FERMT3: variants seen among roughly 807,000 people sequenced by gnomAD.
FERMT3 encodes FERM domain containing kindlin 3, also known as fermitin family homolog 3.
Under a neutral mutation model 80.8 loss-of-function variants are expected in FERMT3, and 33 were observed. That is an observed-to-expected ratio of 0.41 (90% CI 0.31 to 0.55). The LOEUF (loss-of-function observed/expected upper bound fraction) is 0.55. Among genes scored for constraint, FERMT3 ranks in the 20% least tolerant of loss-of-function variants. FERMT3 has a pLI of 0.31. For missense variants in FERMT3, 754 were observed against 908.7 expected, an observed-to-expected ratio of 0.83 and a Z score of 2.19; for synonymous variants, 375 against 372.2, an observed-to-expected ratio of 1.01 and a Z score of -0.09.
At position 64,220,329 on chromosome 11, in the gene FERMT3, G is replaced by A. The variant is rs201657117; in HGVS notation, c.1311+3G>A. ...AGATCTACCTGCGGTGCCAGGATGT[G>A]AGTGAGGGCTGGGCAGGGGCCAGGG... On this transcript the variant is annotated splice_donor_region_variant and intron_variant, in intron 11 of 14. Transcript: ENST00000345728. The A allele has an allele frequency of 1.2e-6, 2 of 1,613,374 alleles. No individual in the cohort carries two copies. Among genetic ancestry groups the A allele is most frequent in the Middle Eastern group, 1.6e-4 (1 of 6,062 alleles).
intron 1 of FERMT3, among the ~76,000 whole-genome samples, chr11:64,207,130 G>A (rs1288377721): frequency 6.6e-6 from 1 of 152,192 alleles, no homozygotes; most frequent in Non-Finnish European, 1.5e-5. Context: ...GGATGGGAGC[G>A]GATTGGACTA....
Position 64,210,599 on chromosome 11 carries a change from C to T in FERMT3, c.161-12C>T, listed in dbSNP as rs372152105. 5.8e-5 allele frequency: 94 copies of T among 1,612,062 alleles called. No homozygotes were observed. The highest frequency in any genetic ancestry group is 5.2e-4 in the African/African-American group (39 of 74,972). ...GGAAGGTTGGACCCAGATGTGCCCC[C>T]GTGCCCCACAGATCGCAAGCAGGAC... On this transcript the variant is annotated splice_polypyrimidine_tract_variant and intron_variant, in intron 2 of 14. Coordinates refer to ENST00000345728, the MANE Select transcript of FERMT3 (RefSeq NM_031471.6). The surrounding 1 kb of genome is among the most constrained non-coding windows in gnomAD (Gnocchi z 4.3).
Position 64,210,217 on chromosome 11 carries a change from T to C in FERMT3, c.161-394T>C, listed in dbSNP as rs1946405150. On this transcript the variant is annotated intron_variant, in intron 2 of 14. Coordinates refer to ENST00000345728, the MANE Select transcript of FERMT3 (RefSeq NM_031471.6). The surrounding 1 kb of genome is among the most constrained non-coding windows in gnomAD (Gnocchi z 4.3). ...AGGACATACAACGGTGAGACAGACGTAGTCTCTGCCTCCAGGAGCTCCCCA... is the reference window on the plus strand; with the variant it reads ...AGGACATACAACGGTGAGACAGACGCAGTCTCTGCCTCCAGGAGCTCCCCA... Among the ~76,000 whole-genome samples the C allele has an allele frequency of 6.6e-6, 1 of 152,124 alleles. No individual in the cohort carries two copies. Among genetic ancestry groups the C allele is most frequent in the Non-Finnish European group, 1.5e-5 (1 of 67,988 alleles).
In FERMT3 at chr11:64,211,135, G is replaced by A. The variant is rs1375507927; in HGVS notation, c.478G>A (p.Glu160Lys). 1 of 1,551,284 alleles carries A rather than the reference G, an allele frequency of 6.4e-7. No individual in the cohort carries two copies. The highest frequency in any genetic ancestry group is 8.7e-7 in the Non-Finnish European group (1 of 1,147,030). ...KKKKEKEPEE[E>K]LYDLSKVVLA... The stretch of plus-strand genomic sequence containing the variant: ...GAAGAAAGAGAAGGAGCCAGAGGAA[G>A]AGCTCTATGACTTGAGCAAGGTTGT... The change falls in exon 4 of 15, where the codon GAG becomes AAG. Residue 160 changes from glutamate (E) to lysine (K), a missense_variant. Glu to Lys is a moderately conservative substitution (Grantham distance 56). Coordinates refer to ENST00000345728, the MANE Select transcript of FERMT3 (RefSeq NM_031471.6). The surrounding 1 kb of genome is among the most constrained non-coding windows in gnomAD (Gnocchi z 4.7).
At position 64,219,878 on chromosome 11, in the gene FERMT3, G is replaced by A. The variant is rs1276579422; in HGVS notation, c.1080-13G>A. 3.7e-6 allele frequency: 6 copies of A among 1,613,890 alleles called. No homozygotes were observed. In the East Asian group the frequency reaches 1.1e-4, roughly 30 times the overall value. On this transcript the variant is annotated splice_polypyrimidine_tract_variant and intron_variant, in intron 9 of 14. Coordinates refer to ENST00000345728, the MANE Select transcript of FERMT3 (RefSeq NM_031471.6). This position sits in a 1 kb window ranked among gnomAD's most constrained non-coding sequence, Gnocchi z 4.0. Reference sequence around the variant, plus strand: ...GTGAGGCGGCCTTTCACAAACCCCAGCATCCCACGAAGGCCCCGGAAGCTG... The same window carrying A: ...GTGAGGCGGCCTTTCACAAACCCCAACATCCCACGAAGGCCCCGGAAGCTG...
chr11:64,223,319 A>G lies in FERMT3; in HGVS notation c.1819A>G (p.Ile607Val), dbSNP rs755669055. 4.2e-5 allele frequency: 67 copies of G among 1,613,942 alleles called. No individual in the cohort carries two copies. The highest frequency in any genetic ancestry group is 5.5e-5 in the Non-Finnish European group (65 of 1,180,052). ...NVNWDIRQVA[I>V]EFDEHINVAF... is the part of the protein sequence containing the mutation. ...CCCTCTGTCTGCCCTTCAGGTGGCC[A>G]TCGAGTTTGATGAACACATCAATGT... is the stretch of plus-strand genomic sequence containing the variant. The change falls in exon 15 of 15, where the codon ATC becomes GTC. Residue 607 changes from isoleucine to valine, a missense_variant. Transcript: ENST00000345728.
rs1946407208 is a variant in FERMT3 at position 64,210,289 on chromosome 11, G to A, written c.161-322G>A. ...AAACCGTGGATTATGGGAGGACAGAGGGGGCGTCATGTGGAGGGAGCCCAG... is the reference window on the plus strand; with the variant it reads ...AAACCGTGGATTATGGGAGGACAGAAGGGGCGTCATGTGGAGGGAGCCCAG... On this transcript the variant is annotated intron_variant, in intron 2 of 14. Transcript: ENST00000345728. The surrounding 1 kb of genome is among the most constrained non-coding windows in gnomAD (Gnocchi z 4.3). Among the ~76,000 whole-genome samples, 1 of 142,806 alleles carries A rather than the reference G, an allele frequency of 7.0e-6. No individual in the cohort carries two copies. The highest frequency in any genetic ancestry group is 2.1e-4 in the South Asian group (1 of 4,768). The allele number at this position is 142,806 out of a possible 152,430, so 93.7% of individuals were successfully genotyped here.
At chr11:64,217,955 C>T (rs577116127) in intron 6 of FERMT3, among the ~76,000 whole-genome samples, 71 of 152,172 alleles carry the variant, frequency 4.7e-4, no homozygotes, top group African/African-American at 1.7e-3. Flanking sequence ...TAACCCAGTT[C>T]CCATCTACAG....
At chr11:64,209,308 G>A (rs1305257297) in intron 2 of FERMT3, among the ~76,000 whole-genome samples, 2 of 152,200 alleles carry the variant, frequency 1.3e-5, no homozygotes, top group African/African-American at 2.4e-5. Flanking sequence ...GGAGGAAGCC[G>A]GTGGACAGGC....
At position 64,219,236 on chromosome 11, in the gene FERMT3, C is replaced by T; in HGVS notation, c.787-15C>T. On this transcript the variant is annotated splice_polypyrimidine_tract_variant and intron_variant, in intron 6 of 14. Transcript: ENST00000345728. The surrounding 1 kb of genome is among the most constrained non-coding windows in gnomAD (Gnocchi z 4.0). Reference sequence around the variant, plus strand: ...TGACCAGCCCAGCCTCCAGCCTCCTCTCCCCCCGCTCCAGACAGACCCCGT... The same window carrying T: ...TGACCAGCCCAGCCTCCAGCCTCCTTTCCCCCCGCTCCAGACAGACCCCGT... The T allele has an allele frequency of 1.3e-6, 2 of 1,569,524 alleles. No homozygotes were observed. Among genetic ancestry groups the T allele is most frequent in the Non-Finnish European group, 1.7e-6 (2 of 1,158,008 alleles).
chr11:64,220,558 G>C lies in FERMT3; in HGVS notation c.1434G>C (p.Thr478=). 6.2e-7 allele frequency: 1 copy of C among 1,607,544 alleles called. No homozygotes were observed. Among genetic ancestry groups the C allele is most frequent in the East Asian group, 2.2e-5 (1 of 44,550 alleles). The change falls in exon 12 of 15, where the codon ACG becomes ACC. Residue 478 remains threonine (T), a synonymous_variant. Transcript: ENST00000345728. ...TGGCCTTCCTCAGCCTGCAGCGCAC[G>C]GGCAGTGGGGGCCCGGGCAACCACC... ...AILAFLSLQR[T]GSGGPGNHPH... is the part of the protein sequence containing the mutation.
At chr11:64,220,929 C>G in intron 12 of FERMT3, 87 bp from the exon 13 acceptor site, 2 of 1,572,006 alleles carry the variant, frequency 1.3e-6, no homozygotes, top group Admixed American at 3.4e-5. Context: ...GGCTCACATG[C>G]TGTCACCCTG....
At chr11:64,222,939 T>C in intron 13 of FERMT3, 109 bp from the exon 14 acceptor site, 1 of 1,466,894 alleles carries the variant, frequency 6.8e-7, no homozygotes, top group Non-Finnish European at 9.4e-7. Context: ...ACACAGCTGG[T>C]GAGCTGCAGT....
intron 2 of FERMT3, among the ~76,000 whole-genome samples, chr11:64,208,575 G>T (rs1008746430): frequency 4.6e-5 from 7 of 152,230 alleles, no homozygotes; most frequent in African/African-American, 1.7e-4. Flanking sequence ...TGGAGCAGCA[G>T]CGGGTGAGAC....
Position 64,220,601 on chromosome 11 carries a change from T to C in FERMT3, c.1477T>C (p.Ser493Pro). 2 of 1,610,750 alleles carry C rather than the reference T, an allele frequency of 1.2e-6. No homozygotes were observed. Among genetic ancestry groups the C allele is most frequent in the South Asian group, 2.2e-5 (2 of 90,686 alleles). Reference protein sequence around the residue: ...PGNHPHGPDASAEGLNPYGLV... With the variant: ...PGNHPHGPDAPAEGLNPYGLV... ...CAACCACCCCCACGGCCCTGATGCCTCTGCCGAGGGCCTCAACCCCTACGG... is the reference window on the plus strand; with the variant it reads ...CAACCACCCCCACGGCCCTGATGCCCCTGCCGAGGGCCTCAACCCCTACGG... The change falls in exon 12 of 15, where the codon TCT becomes CCT. Residue 493 changes from serine (S) to proline (P), a missense_variant. Transcript: ENST00000345728.
In FERMT3 at chr11:64,207,493, C is replaced by CG; in HGVS notation, c.133dup (p.Val45GlyfsTer102). On this transcript the variant is annotated frameshift_variant, in exon 2 of 15. Coordinates refer to ENST00000345728, the MANE Select transcript of FERMT3 (RefSeq NM_031471.6). LOFTEE classifies it high-confidence loss of function. ...GGGTCACTGGGGAGTCGCACATCGGCGGGGTGCTCCTGAAGATTGTGGAGC... is the reference window on the plus strand; with the variant it reads ...GGGTCACTGGGGAGTCGCACATCGGCGGGGGTGCTCCTGAAGATTGTGGAGC... 6.2e-7 allele frequency: 1 copy of CG among 1,613,236 alleles called. No homozygotes were observed. The highest frequency in any genetic ancestry group is 8.5e-7 in the Non-Finnish European group (1 of 1,179,544).
intron 1 of FERMT3, 35 bp from the exon 2 acceptor site, chr11:64,207,316 C>T (rs369998418): frequency 6.2e-7 from 1 of 1,613,488 alleles, no homozygotes; most frequent in Non-Finnish European, 8.5e-7. Flanking sequence ...CCTACCAGGG[C>T]CTGCCCACCT....
In FERMT3 at chr11:64,219,481, C is replaced by T; in HGVS notation, c.895-43C>T. ...CGGCCTGGGGGTACTGCTAGGGGAC[C>T]AGGCTGCTGGACTCAGCCCTCCCTG... On this transcript the variant is annotated intron_variant, in intron 7 of 14. Transcript: ENST00000345728. The surrounding 1 kb of genome is among the most constrained non-coding windows in gnomAD (Gnocchi z 4.0). 6.4e-7 allele frequency: 1 copy of T among 1,571,032 alleles called. No individual in the cohort carries two copies. Among genetic ancestry groups the T allele is most frequent in the Non-Finnish European group, 8.6e-7 (1 of 1,159,134 alleles).
chr11:64,211,377 A>G lies in FERMT3; in HGVS notation c.617A>G (p.Asp206Gly). 6.2e-6 allele frequency: 10 copies of G among 1,606,802 alleles called. No individual in the cohort carries two copies. Among genetic ancestry groups the G allele is most frequent in the Non-Finnish European group, 8.5e-6 (10 of 1,177,908 alleles). ...HMLSRPQPPP[D>G]PLLLQRLPRP... ...CTGAGCCGGCCCCAGCCGCCACCCGACCCCCTCCTGCTCCAGCGTCTGCCA... is the reference window on the plus strand; with the variant it reads ...CTGAGCCGGCCCCAGCCGCCACCCGGCCCCCTCCTGCTCCAGCGTCTGCCA... Residue 206 changes from aspartate (D) to glycine (G), a missense_variant, in exon 5 of 15, where the codon GAC becomes GGC. Transcript: ENST00000345728. The surrounding 1 kb of genome is among the most constrained non-coding windows in gnomAD (Gnocchi z 4.7).
Sources: gnomAD v4.1 joint callset for allele counts (sites outside exome capture counted in the v4.1 genomes callset) on GRCh38, gnomAD v4.1.1 for gene constraint, Gnocchi (gnomAD v3.1) non-coding constraint, MANE v1.5 for transcripts, NCBI Gene and HGNC (gene_info 2026-07-23, HGNC 2026-07-21) for gene names.